Variants in KCTD16 observed in about 807,000 individuals in gnomAD.
KCTD16 encodes BTB/POZ domain-containing protein KCTD16.
Under a neutral mutation model 33.2 loss-of-function variants are expected in KCTD16, and 13 were observed. The ratio of observed to expected loss-of-function variants is 0.39; its 90% CI spans 0.25 to 0.62. The LOEUF (loss-of-function observed/expected upper bound fraction) is 0.62, where lower values mean the gene tolerates loss of function less well. Ranked by LOEUF, KCTD16 falls within the 20% of genes least tolerant of loss-of-function variation. The probability of loss-of-function intolerance (pLI) is 0.50; values close to 1 mark genes in which losing one functional copy is unlikely to be tolerated. For synonymous variants in KCTD16, 197 were observed against 195.3 expected, an observed-to-expected ratio of 1.01 and a Z score of -0.07; for missense variants, 441 against 525.1, an observed-to-expected ratio of 0.84 and a Z score of 1.57.
At chr5:144,270,553 A>C (rs1580834696) in intron 3 of KCTD16, among the ~76,000 whole-genome samples, 1 of 151,960 alleles carries the variant, frequency 6.6e-6, no homozygotes, top group Non-Finnish European at 1.5e-5. Context: ...TTATAGCTAT[A>C]AAATTTTACA....
chr5:144,445,193 T>C (rs1012137370), intron 3 of KCTD16, among the ~76,000 whole-genome samples: 3 of 151,966 alleles, frequency 2.0e-5, no homozygotes, highest in Admixed American at 1.3e-4. Context: ...TAAGACATTC[T>C]CTTTTGTGTT....
chr5:144,199,452 G>A (rs1418665324), intron 2 of KCTD16, among the ~76,000 whole-genome samples: 1 of 152,190 alleles, frequency 6.6e-6, no homozygotes, highest in Non-Finnish European at 1.5e-5. Context: ...AAAGGTAGGC[G>A]TCTTGTTTTT....
chr5:144,462,081 C>T (rs1166416178), intron 3 of KCTD16, among the ~76,000 whole-genome samples: 2 of 152,096 alleles, frequency 1.3e-5, no homozygotes, highest in Non-Finnish European at 2.9e-5. Context: ...TCATGGCCTA[C>T]CCTGGCATTT....
chr5:144,448,813 C>T (rs1223341940), intron 3 of KCTD16, among the ~76,000 whole-genome samples: 1 of 151,996 alleles, frequency 6.6e-6, no homozygotes, highest in African/African-American at 2.4e-5. Context: ...AAACCACTTC[C>T]TCCTAATGGC....
chr5:144,221,841 C>T (rs1753766881), intron 3 of KCTD16, among the ~76,000 whole-genome samples: 1 of 152,196 alleles, frequency 6.6e-6, no homozygotes, highest in Non-Finnish European at 1.5e-5. Flanking sequence ...GGAATCCCCA[C>T]ACTGTCTTCC....
chr5:144,395,027 C>T lies in KCTD16; in HGVS notation c.833-78633C>T, dbSNP rs1177644316. Among the ~76,000 whole-genome samples, 3 of 152,194 alleles carry T rather than the reference C, an allele frequency of 2.0e-5. No individual in the cohort carries two copies. In the East Asian group the frequency reaches 5.8e-4, roughly 29 times the overall value. ...GGTCCTGGATCAGAAGCAGCAATATCACCTGGCAACCTGTTAGAAATGCAG... is the reference window on the plus strand; with the variant it reads ...GGTCCTGGATCAGAAGCAGCAATATTACCTGGCAACCTGTTAGAAATGCAG... On this transcript the variant is annotated intron_variant, in intron 3 of 3. Coordinates refer to ENST00000512467, the MANE Select transcript of KCTD16 (RefSeq NM_020768.4).
At chr5:144,312,502 A>G (rs1751792841) in intron 3 of KCTD16, among the ~76,000 whole-genome samples, 1 of 152,214 alleles carries the variant, frequency 6.6e-6, no homozygotes, top group African/African-American at 2.4e-5. Flanking sequence ...TTTTAAATTA[A>G]CTTAAAATAA....
At chr5:144,217,918 C>G (rs1188043860) in intron 3 of KCTD16, among the ~76,000 whole-genome samples, 1 of 151,766 alleles carries the variant, frequency 6.6e-6, no homozygotes, top group Non-Finnish European at 1.5e-5. Flanking sequence ...ACAGAGTGAC[C>G]TTCTTTAATA....
intron 3 of KCTD16, among the ~76,000 whole-genome samples, chr5:144,270,188 G>T (rs1755254831): frequency 6.6e-6 from 1 of 151,840 alleles, no homozygotes; most frequent in Non-Finnish European, 1.5e-5. Context: ...CAAAAGAGAG[G>T]TTAGCAGAAT....
chr5:144,241,707 T>C (rs1044621913), intron 3 of KCTD16, among the ~76,000 whole-genome samples: 2 of 152,218 alleles, frequency 1.3e-5, no homozygotes, highest in African/African-American at 4.8e-5. Context: ...ATTTTGCCTA[T>C]GAAGCATAAA....
chr5:144,206,954 C>T lies in KCTD16; in HGVS notation c.240C>T (p.Phe80=), dbSNP rs1753194547. 1.2e-6 allele frequency: 2 copies of T among 1,614,124 alleles called. No individual in the cohort carries two copies. Among genetic ancestry groups the T allele is most frequent in the Non-Finnish European group, 1.7e-6 (2 of 1,180,004 alleles). Residue 80 remains phenylalanine, a synonymous_variant, in exon 3 of 4, where the codon TTC becomes TTT. Coordinates refer to ENST00000512467, the MANE Select transcript of KCTD16 (RefSeq NM_020768.4). ...GGTTTTTCATTGACAGAGATGGATT[C>T]TTGTTCCGTTATATTCTGGACTATC... is the stretch of plus-strand genomic sequence containing the variant. ...KGRFFIDRDG[F]LFRYILDYLR... is the part of the protein sequence containing the mutation.
intron 3 of KCTD16, among the ~76,000 whole-genome samples, chr5:144,441,232 T>C (rs1753700648): frequency 6.6e-6 from 1 of 152,114 alleles, no homozygotes; most frequent in African/African-American, 2.4e-5. Context: ...ATTTTCTCAG[T>C]GATATCATTT....
chr5:144,286,698 G>A (rs921443164), intron 3 of KCTD16, among the ~76,000 whole-genome samples: 2 of 152,118 alleles, frequency 1.3e-5, no homozygotes, highest in Non-Finnish European at 2.9e-5. Flanking sequence ...TTACAAGGAG[G>A]AATTATGCCC....
chr5:144,347,621 C>T (rs1752839143), intron 3 of KCTD16, among the ~76,000 whole-genome samples: 1 of 152,018 alleles, frequency 6.6e-6, no homozygotes, highest in Non-Finnish European at 1.5e-5. Context: ...GTCAGGACAG[C>T]CTCTACATGA....
At chr5:144,249,220 T>C (rs1754630598) in intron 3 of KCTD16, among the ~76,000 whole-genome samples, 1 of 152,202 alleles carries the variant, frequency 6.6e-6, no homozygotes, top group African/African-American at 2.4e-5. Context: ...GACTTGCAGT[T>C]CGTGTTCTCC....
Position 144,272,732 on chromosome 5 carries a change from G to A in KCTD16, c.832+65186G>A, listed in dbSNP as rs923101112. Among the ~76,000 whole-genome samples the A allele has an allele frequency of 3.9e-5, 6 of 152,174 alleles. No homozygotes were observed. The East Asian group carries it at 7.7e-4, about 20-fold the overall frequency. ...TGCTGAGACTATTCAGTGGGGGAAA[G>A]GATAGTCATTTCAACAAATGGTTCT... is the stretch of plus-strand genomic sequence containing the variant. On this transcript the variant is annotated intron_variant, in intron 3 of 3. Coordinates refer to ENST00000512467, the MANE Select transcript of KCTD16 (RefSeq NM_020768.4).
chr5:144,423,892 T>G (rs1053657158), intron 3 of KCTD16, among the ~76,000 whole-genome samples: 29 of 152,110 alleles, frequency 1.9e-4, no homozygotes, highest in African/African-American at 6.8e-4. Context: ...AGAATTGTCT[T>G]GGACCACACA....
chr5:144,379,474 T>G (rs768152228), intron 3 of KCTD16, among the ~76,000 whole-genome samples: 1 of 152,110 alleles, frequency 6.6e-6, no homozygotes, highest in Non-Finnish European at 1.5e-5. Flanking sequence ...GATGGAGGGT[T>G]TGGGAGTTAC....
At chr5:144,331,160 C>T (rs1055546562) in intron 3 of KCTD16, among the ~76,000 whole-genome samples, 2 of 152,254 alleles carry the variant, frequency 1.3e-5, no homozygotes, top group East Asian at 1.9e-4. Context: ...ATTCCTTGGT[C>T]GCCAAAAGTT....
Sources: allele counts gnomAD v4.1 joint callset (sites outside exome capture counted in the v4.1 genomes callset), GRCh38; gene constraint gnomAD v4.1.1; transcripts MANE v1.5; gene names NCBI Gene and HGNC (gene_info 2026-07-23, HGNC 2026-07-21).